The following PSMC2 variants were observed in gnomAD, a reference collection of about 807,000 sequenced individuals.
The protein encoded by PSMC2 is proteasome 26S subunit, ATPase 2, also known as 26S proteasome regulatory subunit 7.
PSMC2 carries 7 observed loss-of-function variants against 53.3 expected under a neutral mutation model. The observed-to-expected ratio is 0.13, with a 90% CI of 0.07 to 0.25. The LOEUF (loss-of-function observed/expected upper bound fraction) is 0.25. PSMC2 is among the 10% of genes least tolerant of loss of function. The pLI is 1.00. For synonymous variants in PSMC2, 169 were observed against 183.9 expected, an observed-to-expected ratio of 0.92 and a Z score of 0.66; for missense variants, 241 against 544.0, an observed-to-expected ratio of 0.44 and a Z score of 5.54.
rs567794252 is a variant in PSMC2 at position 103,368,774 on chromosome 7, A to G, written c.*720A>G. ...AAAAAAGAAAAAAAAATATTTGTAC[A>G]TATGATCTAATTTAGAAAGTCCAGA... On this transcript the variant is annotated 3_prime_UTR_variant, in exon 12 of 12. Transcript: ENST00000292644. The G allele has an allele frequency of 1.3e-5, 2 of 152,358 alleles. No individual in the cohort carries two copies. Among genetic ancestry groups the G allele is most frequent in the South Asian group, 2.1e-4 (1 of 4,828 alleles). The allele number at this position is 152,358 out of a possible 1,614,324, so 9.4% of individuals were successfully genotyped here.
chr7:103,366,653 T>TAAAC (rs1820733763), intron 9 of PSMC2, among the ~76,000 whole-genome samples: 1 of 152,350 alleles, frequency 6.6e-6, no homozygotes, highest in African/African-American at 2.4e-5. Flanking sequence ...TTCCATACTT[T>TAAAC]AAACAACTCG....
At chr7:103,362,284 C>T (rs1362608264) in intron 5 of PSMC2, 196 bp downstream of exon 5, 2 of 1,406,058 alleles carry the variant, frequency 1.4e-6, no homozygotes, top group East Asian at 2.7e-5. Flanking sequence ...GACTCCCCTA[C>T]TCCCACTGTT....
intron 3 of PSMC2, 79 bp downstream of exon 3, chr7:103,355,028 C>T: frequency 1.1e-6 from 1 of 922,338 alleles, no homozygotes; most frequent in South Asian, 1.4e-5. Context: ...ACAGATTTTA[C>T]TCCTTCATGA....
intron 1 of PSMC2, among the ~76,000 whole-genome samples, chr7:103,353,560 G>A (rs1433379412): frequency 6.6e-6 from 1 of 152,164 alleles, no homozygotes; most frequent in Non-Finnish European, 1.5e-5. Flanking sequence ...GCCTGCCTGG[G>A]CCTCCCAAAG....
At chr7:103,356,038 C>G (rs1300842640) in intron 4 of PSMC2, among the ~76,000 whole-genome samples, 2 of 152,142 alleles carry the variant, frequency 1.3e-5, no homozygotes, top group African/African-American at 2.4e-5. Flanking sequence ...ATGAAAAACT[C>G]CCTTCTCATA....
chr7:103,363,852 A>T lies in PSMC2; in HGVS notation c.592-291A>T, dbSNP rs559555917. Among the ~76,000 whole-genome samples, 14 of 152,168 alleles carry T rather than the reference A, an allele frequency of 9.2e-5. No individual in the cohort carries two copies. The East Asian group carries it at 2.7e-3, about 29-fold the overall frequency. On this transcript the variant is annotated intron_variant, in intron 7 of 11. Coordinates refer to ENST00000292644, the MANE Select transcript of PSMC2 (RefSeq NM_002803.4). ...ATAATTTTGTTCCTTAAACACCATA[A>T]TTTTTTTTAAATTAGGAAAATATTT...
At chr7:103,350,711 T>G (rs2116116872) in intron 1 of PSMC2, among the ~76,000 whole-genome samples, 1 of 152,122 alleles carries the variant, frequency 6.6e-6, no homozygotes, top group Non-Finnish European at 1.5e-5. Flanking sequence ...TTGCCTAGAC[T>G]GGTTTCAAAT....
chr7:103,347,867 C>G, intron 1 of PSMC2, 86 bp downstream of exon 1: 1 of 1,468,914 alleles, frequency 6.8e-7, no homozygotes, highest in Non-Finnish European at 9.5e-7. Context: ...GATTCCCGCT[C>G]CTGGCTCTGT....
At chr7:103,357,980 G>T (rs1198216408) in intron 4 of PSMC2, among the ~76,000 whole-genome samples, 2 of 152,184 alleles carry the variant, frequency 1.3e-5, no homozygotes, top group Non-Finnish European at 2.9e-5. Flanking sequence ...TGTCCTTTAT[G>T]CCTGTTTAAT....
At position 103,355,704 on chromosome 7, in the gene PSMC2, A is replaced by G; in HGVS notation, c.201A>G (p.Glu67=). The part of the protein sequence containing the change: ...KKINELTGIK[E]SDTGLAPPAL... ...TCTTTCTCTATGTAGGTATTAAAGAATCTGACACTGGCCTGGCCCCACCAG... is the reference window on the plus strand; with the variant it reads ...TCTTTCTCTATGTAGGTATTAAAGAGTCTGACACTGGCCTGGCCCCACCAG... The change falls in exon 4 of 12, where the codon GAA becomes GAG. Residue 67 remains glutamate (E), a synonymous_variant. Coordinates refer to ENST00000292644, the MANE Select transcript of PSMC2 (RefSeq NM_002803.4). 1 of 1,613,556 alleles carries G rather than the reference A, an allele frequency of 6.2e-7. No homozygotes were observed. Among genetic ancestry groups the G allele is most frequent in the Non-Finnish European group, 8.5e-7 (1 of 1,179,474 alleles).
intron 1 of PSMC2, chr7:103,352,784 A>G: frequency 1.3e-6 from 1 of 776,630 alleles, no homozygotes; most frequent in East Asian, 2.4e-5. Context: ...CAGAAGTGTT[A>G]AGTGACTTGG....
intron 8 of PSMC2, among the ~76,000 whole-genome samples, chr7:103,365,373 T>C (rs1235000829): frequency 2.6e-5 from 4 of 152,212 alleles, no homozygotes; most frequent in African/African-American, 9.6e-5. Context: ...GGCTCATGCC[T>C]GTAATCCTAG....
At chr7:103,362,315 A>G (rs1820458612) in intron 5 of PSMC2, 2 of 1,376,594 alleles carry the variant, frequency 1.5e-6, no homozygotes, top group Non-Finnish European at 1.9e-6. Flanking sequence ...AATGGCTTCA[A>G]ATTTCAGAGT....
chr7:103,364,605 T>C (rs1820593688), intron 8 of PSMC2, among the ~76,000 whole-genome samples: 1 of 152,094 alleles, frequency 6.6e-6, no homozygotes. Context: ...AGAGGGGTTT[T>C]ACCATGTGGC....
rs747882212 is a variant in PSMC2 at position 103,350,402 on chromosome 7, A to G, written c.70+2621A>G. On this transcript the variant is annotated intron_variant, in intron 1 of 11. Coordinates refer to ENST00000292644, the MANE Select transcript of PSMC2 (RefSeq NM_002803.4). ...GTTTATATAGAATTAGATAATATCA[A>G]TATGTATCTCTAATCACGGTGTCTC... 2.2e-4 allele frequency among the ~76,000 whole-genome samples: 34 copies of G among 152,354 alleles called. 1 individual carries two copies. The highest frequency in any genetic ancestry group is 2.9e-4 in the Non-Finnish European group (20 of 68,038).
intron 8 of PSMC2, among the ~76,000 whole-genome samples, chr7:103,365,104 A>G (rs969409734): frequency 6.6e-6 from 1 of 151,716 alleles, no homozygotes; most frequent in Admixed American, 6.6e-5. Context: ...TTCCCTAACT[A>G]AAACTTGCAA....
Position 103,359,170 on chromosome 7 carries a change from T to A in PSMC2, c.291-2787T>A, listed in dbSNP as rs1048511261. Among the ~76,000 whole-genome samples the A allele has an allele frequency of 2.0e-4, 26 of 129,950 alleles. No homozygotes were observed. In the East Asian group the frequency reaches 4.4e-3, roughly 22 times the overall value. 85.3% of individuals were successfully genotyped at this position (129,950 alleles called of 152,430 possible). On this transcript the variant is annotated intron_variant, in intron 4 of 11. Transcript: ENST00000292644. ...TTTTTTTTTTTTTTTTTTTTTTTTT[T>A]AATTTTTAGTAGAGACAGGGTCTTG...
At chr7:103,362,467 C>G in intron 5 of PSMC2, 1 of 1,387,496 alleles carries the variant, frequency 7.2e-7, no homozygotes, top group Non-Finnish European at 9.3e-7. Context: ...TCCCCTCCCT[C>G]CTCAAAGGTT....
rs769618353 is a variant in PSMC2, at chr7:103,352,215, T to TAAAAAAAA, written c.71-1682_71-1675dup. 8.1e-4 allele frequency among the ~76,000 whole-genome samples: 33 copies of TAAAAAAAA among 40,622 alleles called. 4 individuals carry two copies. The highest frequency in any genetic ancestry group is 5.2e-4 in the Non-Finnish European group (12 of 23,126). 26.6% of individuals were successfully genotyped at this position (40,622 alleles called of 152,430 possible). The stretch of plus-strand genomic sequence containing the variant: ...TTTCCTACCTCTACTCATACTTAGT[T>TAAAAAAAA]AAAAAAAAAAAAAAAAAAAAAAAAA... On this transcript the variant is annotated intron_variant, in intron 1 of 11. Coordinates refer to ENST00000292644, the MANE Select transcript of PSMC2 (RefSeq NM_002803.4).
Sources: gnomAD v4.1 joint callset for allele counts (sites outside exome capture counted in the v4.1 genomes callset) on GRCh38, gnomAD v4.1.1 for gene constraint, MANE v1.5 for transcripts, NCBI Gene and HGNC (gene_info 2026-07-23, HGNC 2026-07-21) for gene names.